Variants in ZFP64 observed in about 807,000 individuals in gnomAD.
ZFP64 encodes the protein ZFP64 zinc finger protein.
Under a neutral mutation model 51.6 loss-of-function variants are expected in ZFP64, and 14 were observed. The ratio of observed to expected loss-of-function variants is 0.27; its 90% CI spans 0.18 to 0.42. The LOEUF is 0.42. Among genes scored for constraint, ZFP64 ranks in the 10% least tolerant of loss-of-function variants. ZFP64 has a pLI of 1.00. For missense variants in ZFP64, 754 were observed against 906.8 expected, an observed-to-expected ratio of 0.83 and a Z score of 2.16; for synonymous variants, 375 against 361.4, an observed-to-expected ratio of 1.04 and a Z score of -0.43.
At chr20:52,110,655 C>T (rs1978512083) in intron 5 of ZFP64, 1 of 1,342,386 alleles carries the variant, frequency 7.4e-7, no homozygotes, top group Non-Finnish European at 1.0e-6. Flanking sequence ...TGCAGCTGGC[C>T]ACCAGGCCAC....
intron 5 of ZFP64, chr20:52,110,939 G>A (rs1043323267): frequency 6.4e-6 from 10 of 1,560,722 alleles, no homozygotes; most frequent in East Asian, 2.2e-5. Context: ...TCACCGTAGC[G>A]GTACTGGGTG....
intron 2 of ZFP64, among the ~76,000 whole-genome samples, chr20:52,180,689 G>A (rs1983553967): frequency 6.6e-6 from 1 of 152,084 alleles, no homozygotes; most frequent in Admixed American, 6.6e-5. Context: ...TGTAATGAGA[G>A]CTAACAGTGA....
At chr20:52,105,861 G>C (rs1188696020) in intron 5 of ZFP64, among the ~76,000 whole-genome samples, 1 of 152,016 alleles carries the variant, frequency 6.6e-6, no homozygotes, top group African/African-American at 2.4e-5. Flanking sequence ...TAAAAAAGCC[G>C]TCTCCCTCCC....
Position 52,122,648 on chromosome 20 carries a change from T to G in ZFP64, c.764-24061A>C, listed in dbSNP as rs144313971. Among the ~76,000 whole-genome samples, 815 of 152,296 alleles carry G rather than the reference T, an allele frequency of 5.4e-3. 2 individuals are homozygous for G. The highest frequency in any genetic ancestry group is 0.027 in the Middle Eastern group (8 of 294). On this transcript the variant is annotated intron_variant, in intron 5 of 8. Coordinates refer to the ZFP64 transcript ENST00000361387. ...AGATGCCATAAAGAACATTCATGAT[T>G]CATGGGAGGAGGCCATCGACATGAA...
At chr20:52,129,257 C>CT (rs949974189) in intron 5 of ZFP64, among the ~76,000 whole-genome samples, 1 of 150,640 alleles carries the variant, frequency 6.6e-6, no homozygotes, top group African/African-American at 2.5e-5. Flanking sequence ...AATTTTTTTT[C>CT]TTTTTTTCTT....
At chr20:52,125,210 A>G (rs1328510486) in intron 5 of ZFP64, among the ~76,000 whole-genome samples, 2 of 152,178 alleles carry the variant, frequency 1.3e-5, no homozygotes, top group Non-Finnish European at 2.9e-5. Context: ...GAATGTACTA[A>G]CTACAGTTTG....
intron 5 of ZFP64, among the ~76,000 whole-genome samples, chr20:52,134,006 G>A (rs1056166595): frequency 7.0e-6 from 1 of 143,264 alleles, no homozygotes; most frequent in African/African-American, 2.7e-5. Flanking sequence ...TCCAGCCTGG[G>A]CAACAGAGTG....
At chr20:52,124,842 G>T (rs1023582350) in intron 5 of ZFP64, among the ~76,000 whole-genome samples, 1 of 151,716 alleles carries the variant, frequency 6.6e-6, no homozygotes, top group Non-Finnish European at 1.5e-5. Flanking sequence ...GGGCTCAGGC[G>T]ATCCTCCTGC....
At chr20:52,174,224 G>A (rs572752122) in intron 2 of ZFP64, among the ~76,000 whole-genome samples, 12 of 150,846 alleles carry the variant, frequency 8.0e-5, no homozygotes, top group South Asian at 4.1e-4. Context: ...GGTGGCTCAC[G>A]CCTGTAATCC....
intron 5 of ZFP64, among the ~76,000 whole-genome samples, chr20:52,103,810 T>C (rs530741966): frequency 1.2e-4 from 19 of 152,354 alleles, no homozygotes; most frequent in Middle Eastern, 6.8e-3. Flanking sequence ...AGGGTGGTTG[T>C]ACTATCCTGG....
chr20:52,087,266 A>G (rs929719803), intron 8 of ZFP64, among the ~76,000 whole-genome samples: 13 of 151,744 alleles, frequency 8.6e-5, no homozygotes, highest in African/African-American at 2.9e-4. Context: ...TTTTCACTCT[A>G]TTTTCTTCTC....
Position 52,152,414 on chromosome 20 carries a change from C to T in ZFP64, c.1778G>A (p.Gly593Asp). 3 of 1,614,210 alleles carry T rather than the reference C, an allele frequency of 1.9e-6. No individual in the cohort carries two copies. Among genetic ancestry groups the T allele is most frequent in the Non-Finnish European group, 2.5e-6 (3 of 1,180,032 alleles). The change falls in exon 6 of 6, where the codon GGC (glycine) becomes GAC (aspartate). Residue 593 changes from glycine (G) to aspartate (D), a missense_variant. Physicochemically the swap from Gly to Asp is moderately conservative, Grantham distance 94. Around this residue, in one of 3 missense-constraint regions of ZFP64, gnomAD observed 428 missense variants for 472.4 expected, o/e 0.91. Transcript: ENST00000216923. ...HQTLIPTASG[G>D]PQEGSGNQTF... ...TTGATTGCCAGAGCCTTCCTGGGGGCCACCTGAGGCCGTGGGGATGAGAGT... is the reference window on the plus strand; with the variant it reads ...TTGATTGCCAGAGCCTTCCTGGGGGTCACCTGAGGCCGTGGGGATGAGAGT...
At chr20:52,167,993 A>G (rs1270277349) in intron 2 of ZFP64, among the ~76,000 whole-genome samples, 1 of 152,180 alleles carries the variant, frequency 6.6e-6, no homozygotes, top group Non-Finnish European at 1.5e-5. Context: ...CTGCCAATTA[A>G]ACACATTATG....
intron 5 of ZFP64, among the ~76,000 whole-genome samples, chr20:52,138,001 C>T (rs1461515850): frequency 2.0e-5 from 3 of 150,572 alleles, no homozygotes; most frequent in African/African-American, 7.3e-5. Flanking sequence ...CACGGAAAAA[C>T]CCCATCTTTA....
chr20:52,133,290 T>C (rs1177971746), intron 5 of ZFP64, among the ~76,000 whole-genome samples: 3 of 152,132 alleles, frequency 2.0e-5, no homozygotes, highest in Non-Finnish European at 2.9e-5. Flanking sequence ...CTCTAAGACC[T>C]GGAACATGAC....
At chr20:52,148,400 C>A (rs1308704162), downstream of ZFP64, among the ~76,000 whole-genome samples, 2 of 152,190 alleles carry the variant, frequency 1.3e-5, no homozygotes, top group African/African-American at 2.4e-5. Flanking sequence ...GACAGTCAAA[C>A]CTGTTCATCA....
chr20:52,122,178 C>T (rs1030000003), intron 5 of ZFP64, among the ~76,000 whole-genome samples: 1 of 152,170 alleles, frequency 6.6e-6, no homozygotes, highest in African/African-American at 2.4e-5. Flanking sequence ...CTCCATTCTA[C>T]AGTACATGGA....
At chr20:52,116,446 CTT>C (rs1167376554) in intron 5 of ZFP64, among the ~76,000 whole-genome samples, 6 of 91,442 alleles carry the variant, frequency 6.6e-5, no homozygotes, top group Admixed American at 1.0e-4. Flanking sequence ...ATATTTCTTT[CTT>C]TTTTTTTTTT....
exon 7 of ZFP64, chr20:52,097,393 C>T (rs149602795): frequency 1.9e-5 from 31 of 1,612,424 alleles, no homozygotes; most frequent in Non-Finnish European, 2.5e-5. Context: ...TCTGAGATGG[C>T]GGTCCAAGTC....
Sources: allele counts gnomAD v4.1 joint callset (sites outside exome capture counted in the v4.1 genomes callset), GRCh38; gene constraint gnomAD v4.1.1; regional missense constraint gnomAD v4.1.1; transcripts MANE v1.5; gene names NCBI Gene and HGNC (gene_info 2026-07-23, HGNC 2026-07-21).